Variants in ASIC2 observed in about 807,000 individuals in gnomAD.
ASIC2 encodes acid sensing ion channel subunit 2, also known as acid-sensing ion channel 2.
In ASIC2, 25 loss-of-function variants were observed where a neutral mutation model predicts 57.3. The observed-to-expected ratio is 0.44, with a 90% CI of 0.32 to 0.61. ASIC2 has a LOEUF of 0.61. Ranked by LOEUF, ASIC2 falls within the 20% of genes least tolerant of loss-of-function variation. The pLI is 0.06. For synonymous variants in ASIC2, 319 were observed against 307.5 expected, an observed-to-expected ratio of 1.04 and a Z score of -0.39; for missense variants, 641 against 738.1, an observed-to-expected ratio of 0.87 and a Z score of 1.52.
intron 1 of ASIC2, among the ~76,000 whole-genome samples, chr17:33,257,299 G>A (rs1490826431): frequency 6.6e-6 from 1 of 152,114 alleles, no homozygotes; most frequent in African/African-American, 2.4e-5. Context: ...CCCCTGCTCC[G>A]ATGTCTCATG....
intron 1 of ASIC2, among the ~76,000 whole-genome samples, chr17:33,636,065 G>A (rs1906352540): frequency 6.6e-6 from 1 of 152,212 alleles, no homozygotes; most frequent in African/African-American, 2.4e-5. Flanking sequence ...CAAGCAAGTT[G>A]CAGAACAATA....
intron 1 of ASIC2, among the ~76,000 whole-genome samples, chr17:33,655,868 G>A (rs1227025279): frequency 1.3e-5 from 2 of 152,264 alleles, no homozygotes; most frequent in East Asian, 1.9e-4. Context: ...AGAGAGAGAA[G>A]TTTTCTTCCT....
intron 1 of ASIC2, among the ~76,000 whole-genome samples, chr17:33,443,530 C>T (rs1237345945): frequency 6.8e-6 from 1 of 146,332 alleles, no homozygotes; most frequent in Non-Finnish European, 1.5e-5. Flanking sequence ...TCTCCTGCCT[C>T]AGCCTCCCAA....
intron 1 of ASIC2, among the ~76,000 whole-genome samples, chr17:33,785,124 A>T (rs1911564295): frequency 6.6e-6 from 1 of 152,142 alleles, no homozygotes; most frequent in Non-Finnish European, 1.5e-5. Context: ...TGAGGGCATT[A>T]GGGTGGACCT....
chr17:33,048,663 G>C (rs118091926), intron 3 of ASIC2, among the ~76,000 whole-genome samples: 2 of 152,134 alleles, frequency 1.3e-5, no homozygotes, highest in Admixed American at 1.3e-4. Flanking sequence ...TCTGCTCCAG[G>C]TCTGGAGCCC....
chr17:33,185,833 C>G (rs997955423), intron 1 of ASIC2, among the ~76,000 whole-genome samples: 6 of 152,186 alleles, frequency 3.9e-5, no homozygotes, highest in African/African-American at 1.4e-4. Flanking sequence ...CAGAGTGGAA[C>G]AGCTTTGTAA....
intron 1 of ASIC2, among the ~76,000 whole-genome samples, chr17:33,639,192 A>G (rs145081386): frequency 5.9e-5 from 9 of 152,074 alleles, no homozygotes; most frequent in African/African-American, 1.9e-4. Flanking sequence ...CAAGGAGTCA[A>G]TCTGCTTAAG....
At chr17:33,864,649 C>T (rs147782305) in intron 1 of ASIC2, among the ~76,000 whole-genome samples, 9 of 152,248 alleles carry the variant, frequency 5.9e-5, no homozygotes, top group African/African-American at 2.2e-4. Context: ...TTCCCAGCAG[C>T]GAACAGGTAC....
At chr17:33,140,894 G>T (rs1300167155) in intron 1 of ASIC2, among the ~76,000 whole-genome samples, 1 of 152,240 alleles carries the variant, frequency 6.6e-6, no homozygotes, top group Non-Finnish European at 1.5e-5. Context: ...TTCCATCCGG[G>T]CCACAAGGCA....
At chr17:33,540,076 G>T (rs751966156) in intron 1 of ASIC2, among the ~76,000 whole-genome samples, 26 of 152,292 alleles carry the variant, frequency 1.7e-4, no homozygotes, top group Admixed American at 8.5e-4. Flanking sequence ...CTCACAGTTC[G>T]GGAGGCTGGA....
intron 1 of ASIC2, among the ~76,000 whole-genome samples, chr17:33,501,673 G>T (rs1490422449): frequency 6.6e-6 from 1 of 152,162 alleles, no homozygotes. Context: ...CTATCAGCAT[G>T]GTAGAGGCTC....
intron 1 of ASIC2, among the ~76,000 whole-genome samples, chr17:33,633,482 A>G (rs1906243765): frequency 6.6e-6 from 1 of 152,154 alleles, no homozygotes; most frequent in African/African-American, 2.4e-5. Flanking sequence ...AAACTTGGCC[A>G]CAGGGAGCCT....
At chr17:33,848,757 G>T (rs1011797237) in intron 1 of ASIC2, among the ~76,000 whole-genome samples, 1 of 152,152 alleles carries the variant, frequency 6.6e-6, no homozygotes, top group African/African-American at 2.4e-5. Context: ...TTCACTCCAG[G>T]GGCTGACGGT....
At chr17:33,038,915 G>T (rs924745306) in intron 3 of ASIC2, among the ~76,000 whole-genome samples, 2 of 152,178 alleles carry the variant, frequency 1.3e-5, no homozygotes, top group South Asian at 4.1e-4. Flanking sequence ...GCCCTAAGGG[G>T]AGTCCAGCCA....
chr17:34,008,746 C>T (rs1906613111), intron 1 of ASIC2, among the ~76,000 whole-genome samples: 2 of 152,198 alleles, frequency 1.3e-5, no homozygotes, highest in African/African-American at 4.8e-5. Context: ...TTTGAGAGTT[C>T]CAGAAACCCT....
intron 1 of ASIC2, among the ~76,000 whole-genome samples, chr17:33,233,303 T>C (rs1017190991): frequency 1.3e-5 from 2 of 151,548 alleles, no homozygotes; most frequent in Admixed American, 1.3e-4. Context: ...CCAAATCCTC[T>C]TTTCCCAACC....
chr17:33,175,591 G>A (rs1905719337), intron 1 of ASIC2, among the ~76,000 whole-genome samples: 1 of 151,864 alleles, frequency 6.6e-6, no homozygotes, highest in Non-Finnish European at 1.5e-5. Context: ...ATGACTTAAT[G>A]TAGTTCCCAC....
At chr17:33,902,946 C>T (rs923936065) in intron 1 of ASIC2, among the ~76,000 whole-genome samples, 1 of 152,154 alleles carries the variant, frequency 6.6e-6, no homozygotes, top group African/African-American at 2.4e-5. Context: ...ATGTTTGTCC[C>T]TGCTTGCATT....
intron 1 of ASIC2, among the ~76,000 whole-genome samples, chr17:34,019,707 G>C (rs559969904): frequency 2.0e-4 from 31 of 152,320 alleles, no homozygotes; most frequent in Non-Finnish European, 3.7e-4. Context: ...GAGGAACCAA[G>C]AAATTTCTGC....
Sources: gnomAD v4.1 joint callset for allele counts (sites outside exome capture counted in the v4.1 genomes callset) on GRCh38, gnomAD v4.1.1 for gene constraint, MANE v1.5 for transcripts, NCBI Gene and HGNC (gene_info 2026-07-23, HGNC 2026-07-21) for gene names.